The following CNTNAP2 variants were observed in gnomAD, a reference collection of about 807,000 sequenced individuals.
CNTNAP2 encodes the protein contactin associated protein 2, also known as contactin-associated protein-like 2.
A neutral mutation model predicts 155.2 loss-of-function variants in CNTNAP2; 98 were observed. The observed-to-expected ratio is 0.63, with a 90% CI of 0.54 to 0.75. The LOEUF (loss-of-function observed/expected upper bound fraction) is 0.75, where lower values mean the gene tolerates loss of function less well. Among genes scored for constraint, CNTNAP2 ranks in the 30% least tolerant of loss-of-function variants. The pLI, the probability that CNTNAP2 is intolerant of heterozygous loss-of-function variation, is 0.00. For synonymous variants in CNTNAP2, 651 were observed against 631.2 expected, an observed-to-expected ratio of 1.03 and a Z score of -0.47; for missense variants, 1,727 against 1,688.1, an observed-to-expected ratio of 1.02 and a Z score of -0.40.
rs771533907 is a variant in CNTNAP2 at position 148,229,681 on chromosome 7, C to T, written c.3283C>T (p.Arg1095Ter). ...LQIRYNLGGT[R>*]EPYNIDVDHR... is the part of the protein sequence containing the mutation. ...GATTCGATACAACCTGGGTGGCACCCGAGAGCCATACAATATTGACGTAGA... is the reference window on the plus strand; with the variant it reads ...GATTCGATACAACCTGGGTGGCACCTGAGAGCCATACAATATTGACGTAGA... The change falls in exon 20 of 24, where the codon CGA (arginine) becomes TGA (stop). Residue 1095 changes from arginine to a stop codon, truncating the protein, a stop_gained. Coordinates refer to ENST00000361727, the MANE Select transcript of CNTNAP2 (RefSeq NM_014141.6). LOFTEE classifies it high-confidence loss of function. The T allele has an allele frequency of 3.1e-6, 5 of 1,613,912 alleles. No homozygotes were observed. The highest frequency in any genetic ancestry group is 3.3e-5 in the Admixed American group (2 of 59,988).
At chr7:146,696,356 A>G (rs1341807162) in intron 1 of CNTNAP2, among the ~76,000 whole-genome samples, 2 of 152,148 alleles carry the variant, frequency 1.3e-5, no homozygotes, top group East Asian at 3.9e-4. Flanking sequence ...AATGTCTATG[A>G]AGTCAATGTT....
chr7:148,160,358 C>T (rs1805495993), intron 17 of CNTNAP2, among the ~76,000 whole-genome samples: 1 of 151,684 alleles, frequency 6.6e-6, no homozygotes, highest in Admixed American at 6.6e-5. Context: ...CTGCAGTGAG[C>T]CGTGATCACA....
At chr7:146,914,748 G>T (rs367810087) in intron 3 of CNTNAP2, among the ~76,000 whole-genome samples, 2 of 152,146 alleles carry the variant, frequency 1.3e-5, no homozygotes, top group African/African-American at 4.8e-5. Context: ...TCTGTGGGTT[G>T]TCTCTTCACT....
chr7:146,255,384 G>GAGT (rs1423372379), intron 1 of CNTNAP2, among the ~76,000 whole-genome samples: 5 of 152,286 alleles, frequency 3.3e-5, no homozygotes, highest in African/African-American at 1.2e-4. Flanking sequence ...TCATACCGAA[G>GAGT]AGTAGAATTT....
chr7:146,291,426 T>G (rs1800427559), intron 1 of CNTNAP2, among the ~76,000 whole-genome samples: 1 of 152,154 alleles, frequency 6.6e-6, no homozygotes, highest in South Asian at 2.1e-4. Context: ...CCTATAAACT[T>G]TATTGGAACA....
chr7:146,471,635 A>G (rs1179835801), intron 1 of CNTNAP2, among the ~76,000 whole-genome samples: 1 of 152,196 alleles, frequency 6.6e-6, no homozygotes, highest in Non-Finnish European at 1.5e-5. Flanking sequence ...TTCAATAACA[A>G]ATGAATGCTC....
chr7:147,812,557 G>A (rs940035359), intron 13 of CNTNAP2, among the ~76,000 whole-genome samples: 4 of 148,394 alleles, frequency 2.7e-5, no homozygotes, highest in African/African-American at 7.4e-5. Flanking sequence ...CAATCACAAC[G>A]TGTCCACTCA....
chr7:148,206,196 CATATA>C (rs1424199669), intron 18 of CNTNAP2, among the ~76,000 whole-genome samples: 1 of 147,274 alleles, frequency 6.8e-6, no homozygotes, highest in African/African-American at 2.5e-5. Context: ...TCAGGAATTA[CATATA>C]ATATATATTA....
At chr7:148,124,211 G>A (rs974854789) in intron 16 of CNTNAP2, among the ~76,000 whole-genome samples, 6 of 152,174 alleles carry the variant, frequency 3.9e-5, no homozygotes, top group African/African-American at 7.2e-5. Context: ...AGAGAACAGC[G>A]TAAACCGCCC....
At chr7:146,947,731 C>A (rs945105021) in intron 3 of CNTNAP2, among the ~76,000 whole-genome samples, 1 of 150,858 alleles carries the variant, frequency 6.6e-6, no homozygotes, top group African/African-American at 2.4e-5. Flanking sequence ...CATAGCAAAA[C>A]CCTGTTGCTA....
chr7:147,399,968 T>C (rs1244436737), intron 10 of CNTNAP2, among the ~76,000 whole-genome samples: 2 of 152,158 alleles, frequency 1.3e-5, no homozygotes, highest in African/African-American at 4.8e-5. Flanking sequence ...CTGAGAAAGG[T>C]AAAATACCCA....
At chr7:146,877,304 T>A (rs1482674081) in intron 3 of CNTNAP2, among the ~76,000 whole-genome samples, 2 of 145,244 alleles carry the variant, frequency 1.4e-5, no homozygotes, top group African/African-American at 5.2e-5. Context: ...GAGTTCGAAA[T>A]CAGCCTGGGT....
intron 3 of CNTNAP2, among the ~76,000 whole-genome samples, chr7:146,995,749 A>G (rs1005808606): frequency 2.0e-5 from 3 of 152,150 alleles, no homozygotes; most frequent in Non-Finnish European, 4.4e-5. Flanking sequence ...TTATCATAAA[A>G]GCACTCCATG....
At chr7:147,402,846 A>G (rs1211480376) in intron 10 of CNTNAP2, among the ~76,000 whole-genome samples, 1 of 152,048 alleles carries the variant, frequency 6.6e-6, no homozygotes, top group African/African-American at 2.4e-5. Context: ...CTCAAAGGCC[A>G]TCATAGGATT....
chr7:146,863,649 C>T (rs1377794539), intron 3 of CNTNAP2, among the ~76,000 whole-genome samples: 3 of 151,986 alleles, frequency 2.0e-5, no homozygotes, highest in Non-Finnish European at 4.4e-5. Flanking sequence ...ATTTGCTTCC[C>T]CTTCCATTAC....
At chr7:147,210,223 C>A (rs1341610587) in intron 8 of CNTNAP2, among the ~76,000 whole-genome samples, 2 of 151,894 alleles carry the variant, frequency 1.3e-5, no homozygotes, top group African/African-American at 4.8e-5. Flanking sequence ...CCATCTGATT[C>A]AGGGCTTTTA....
In CNTNAP2 at chr7:146,143,772, T is replaced by A. The variant is rs572440608; in HGVS notation, c.97+26799T>A. 1.8e-3 allele frequency among the ~76,000 whole-genome samples: 276 copies of A among 152,232 alleles called. 5 individuals carry two copies. The highest frequency in any genetic ancestry group is 0.018 in the South Asian group (85 of 4,828). Reference sequence around the variant, plus strand: ...TCATAGATCTAAATTCTAATTTATTTTTTTTTTTGAAATGGAGTCTCCTTC... The same window carrying A: ...TCATAGATCTAAATTCTAATTTATTATTTTTTTTGAAATGGAGTCTCCTTC... On this transcript the variant is annotated intron_variant, in intron 1 of 23. Transcript: ENST00000361727.
chr7:148,229,539 A>G lies in CNTNAP2; in HGVS notation c.3248-107A>G, dbSNP rs140728999. The G allele has an allele frequency of 4.1e-4, 580 of 1,420,480 alleles. 10 individuals carry two copies. The Admixed American group carries it at 0.01, about 25-fold the overall frequency. 88.0% of individuals were successfully genotyped at this position (1,420,480 alleles called of 1,614,324 possible). On this transcript the variant is annotated intron_variant, in intron 19 of 23. Transcript: ENST00000361727. The stretch of plus-strand genomic sequence containing the variant: ...CTCCGTCAAAAAAAAGAAAGAAAAG[A>G]AAAGAAAGGAAGAAAGAAAGAATCT...
intron 21 of CNTNAP2, among the ~76,000 whole-genome samples, chr7:148,326,252 C>T (rs900777940): frequency 1.3e-5 from 2 of 152,010 alleles, no homozygotes; most frequent in African/African-American, 2.4e-5. Flanking sequence ...GAGAGCTTGG[C>T]GCTCAGGACC....
Sources: allele counts gnomAD v4.1 joint callset (sites outside exome capture counted in the v4.1 genomes callset), GRCh38; gene constraint gnomAD v4.1.1; transcripts MANE v1.5; gene names NCBI Gene and HGNC (gene_info 2026-07-23, HGNC 2026-07-21).